The following CTNNA3 variants were observed in gnomAD, a reference collection of about 807,000 sequenced individuals.
The protein encoded by CTNNA3 is catenin alpha 3.
CTNNA3 carries 76 observed loss-of-function variants against 95.7 expected under a neutral mutation model. The observed-to-expected ratio is 0.79, with a 90% CI of 0.66 to 0.96. The LOEUF (loss-of-function observed/expected upper bound fraction) is 0.96. Ranked by LOEUF, CTNNA3 falls within the 40% of genes least tolerant of loss-of-function variation. CTNNA3 has a pLI of 0.00. For synonymous variants in CTNNA3, 431 were observed against 374.4 expected (o/e 1.15, Z -1.74); for missense variants, 1,191 against 1,089.8 (o/e 1.09, Z -1.31).
chr10:66,237,256 C>T (rs933870888), intron 13 of CTNNA3, among the ~76,000 whole-genome samples: 1 of 152,132 alleles, frequency 6.6e-6, no homozygotes, highest in African/African-American at 2.4e-5. Flanking sequence ...CCTCTCTACC[C>T]ACCAATAGAA....
intron 6 of CTNNA3, among the ~76,000 whole-genome samples, chr10:67,204,870 T>C (rs1863820744): frequency 6.6e-6 from 1 of 152,168 alleles, no homozygotes; most frequent in Non-Finnish European, 1.5e-5. Flanking sequence ...TGGGGCCACA[T>C]GACAGATGGG....
intron 7 of CTNNA3, among the ~76,000 whole-genome samples, chr10:67,101,629 C>T (rs1436450923): frequency 6.6e-6 from 1 of 151,636 alleles, no homozygotes; most frequent in Non-Finnish European, 1.5e-5. Context: ...ATACAAATTA[C>T]ATTTTTACAA....
chr10:66,632,569 A>T (rs1327121943), intron 9 of CTNNA3, among the ~76,000 whole-genome samples: 1 of 150,408 alleles, frequency 6.6e-6, no homozygotes, highest in Non-Finnish European at 1.5e-5. Context: ...AAAAAAAAAA[A>T]AAAAAAAGAA....
intron 1 of CTNNA3, among the ~76,000 whole-genome samples, chr10:67,726,509 AT>A (rs1841224365): frequency 1.3e-5 from 1 of 74,572 alleles, no homozygotes; most frequent in African/African-American, 5.7e-5. Flanking sequence ...ATAATATATT[AT>A]ATATTATATT....
chr10:66,103,101 G>A (rs1281253750), intron 14 of CTNNA3, 56 bp downstream of exon 14: 2 of 1,407,176 alleles, frequency 1.4e-6, no homozygotes, highest in Non-Finnish European at 2.0e-6. Flanking sequence ...GACAAAGGGA[G>A]GGCACAGCCT....
chr10:66,436,408 G>A (rs1290009279), intron 11 of CTNNA3, among the ~76,000 whole-genome samples: 2 of 150,420 alleles, frequency 1.3e-5, no homozygotes, highest in Non-Finnish European at 3.0e-5. Flanking sequence ...TTGTTGCATT[G>A]ATCCCTCTAC....
chr10:66,557,888 A>T (rs1842439674), intron 10 of CTNNA3, among the ~76,000 whole-genome samples: 1 of 152,004 alleles, frequency 6.6e-6, no homozygotes, highest in African/African-American at 2.4e-5. Context: ...TTGGTTTTAT[A>T]TGTTTCATTT....
intron 13 of CTNNA3, among the ~76,000 whole-genome samples, chr10:66,139,215 C>T (rs574540904): frequency 3.9e-5 from 6 of 152,292 alleles, no homozygotes; most frequent in Admixed American, 1.3e-4. Flanking sequence ...ACTATATTTT[C>T]CCCTTTCTTA....
intron 1 of CTNNA3, among the ~76,000 whole-genome samples, chr10:67,718,426 C>A (rs11815574): frequency 6.6e-6 from 1 of 152,176 alleles, no homozygotes; most frequent in Non-Finnish European, 1.5e-5. Flanking sequence ...TTTGCCCATT[C>A]AGAATGATAC....
intron 13 of CTNNA3, among the ~76,000 whole-genome samples, chr10:66,136,360 G>C (rs1180389166): frequency 1.3e-5 from 2 of 152,092 alleles, no homozygotes; most frequent in Non-Finnish European, 2.9e-5. Context: ...CATGGATGTT[G>C]GTTAATATGT....
intron 10 of CTNNA3, among the ~76,000 whole-genome samples, chr10:66,584,973 AAC>A (rs1843311689): frequency 6.6e-6 from 1 of 152,044 alleles, no homozygotes; most frequent in Non-Finnish European, 1.5e-5. Flanking sequence ...ATTCTTGACC[AAC>A]AGTCATTCTG....
intron 9 of CTNNA3, among the ~76,000 whole-genome samples, chr10:66,718,368 T>C (rs990528870): frequency 6.6e-6 from 1 of 152,068 alleles, no homozygotes; most frequent in African/African-American, 2.4e-5. Context: ...AAAATGCAAA[T>C]ATTATTTCAT....
chr10:67,585,751 TTTTG>T (rs1203714279), intron 3 of CTNNA3, among the ~76,000 whole-genome samples: 2 of 152,132 alleles, frequency 1.3e-5, no homozygotes, highest in African/African-American at 2.4e-5. Context: ...AGTTTATCAA[TTTTG>T]TTTATCTTTT....
chr10:66,256,347 G>T (rs1019915082), intron 13 of CTNNA3, among the ~76,000 whole-genome samples: 1 of 152,102 alleles, frequency 6.6e-6, no homozygotes, highest in Non-Finnish European at 1.5e-5. Context: ...AAAAATTAGA[G>T]GAAGACCCAC....
At chr10:67,180,705 G>A (rs753048665) in intron 6 of CTNNA3, among the ~76,000 whole-genome samples, 185 bp from the exon 7 acceptor site, 5 of 152,172 alleles carry the variant, frequency 3.3e-5, no homozygotes, top group Non-Finnish European at 7.4e-5. Context: ...TAATGAAAGT[G>A]ATGCAATTAT....
intron 3 of CTNNA3, among the ~76,000 whole-genome samples, chr10:67,583,989 T>C (rs1303849641): frequency 6.6e-6 from 1 of 152,184 alleles, no homozygotes; most frequent in Non-Finnish European, 1.5e-5. Context: ...TTTAGCTACT[T>C]TGTGATGGGT....
chr10:67,211,069 A>G (rs922337030), intron 6 of CTNNA3, among the ~76,000 whole-genome samples: 1 of 152,120 alleles, frequency 6.6e-6, no homozygotes, highest in Non-Finnish European at 1.5e-5. Context: ...TGAATATGCA[A>G]TTTTTAGGAT....
At chr10:66,324,480 A>T (rs1589087357) in intron 12 of CTNNA3, among the ~76,000 whole-genome samples, 1 of 152,130 alleles carries the variant, frequency 6.6e-6, no homozygotes, top group Admixed American at 6.5e-5. Flanking sequence ...ACTGGTTAAC[A>T]CTTAAAGCCA....
chr10:66,780,471 G>A (rs7909711), intron 7 of CTNNA3, among the ~76,000 whole-genome samples: 98,306 of 151,850 alleles, frequency 0.65, 32,044 homozygotes, highest in East Asian at 0.77. Context: ...AACAATCTAG[G>A]CTGATGTCCT....
Sources: gnomAD v4.1 joint callset for allele counts (sites outside exome capture counted in the v4.1 genomes callset) on GRCh38, gnomAD v4.1.1 for gene constraint, MANE v1.5 for transcripts, NCBI Gene and HGNC (gene_info 2026-07-23, HGNC 2026-07-21) for gene names.